TMEM132C: variants seen among roughly 807,000 people sequenced by gnomAD.
TMEM132C encodes the protein transmembrane protein 132C, also known as protein phosphatase 1, regulatory subunit 152.
A neutral mutation model predicts 61.4 loss-of-function variants in TMEM132C; 29 were observed. The ratio of observed to expected loss-of-function variants is 0.47; its 90% CI spans 0.35 to 0.64. The LOEUF is 0.64. Among genes scored for constraint, TMEM132C ranks in the 30% least tolerant of loss-of-function variants. The probability of loss-of-function intolerance (pLI) is 0.00; values close to 1 mark genes in which losing one functional copy is unlikely to be tolerated. For synonymous variants in TMEM132C, 656 were observed against 633.1 expected, an observed-to-expected ratio of 1.04 and a Z score of -0.54; for missense variants, 1,408 against 1,476.9, an observed-to-expected ratio of 0.95 and a Z score of 0.76.
At chr12:128,346,339 A>T (rs1293058174) in intron 1 of TMEM132C, among the ~76,000 whole-genome samples, 1 of 152,158 alleles carries the variant, frequency 6.6e-6, no homozygotes, top group Non-Finnish European at 1.5e-5. Context: ...GGTAATGGTG[A>T]TGCCTCCAGC....
At chr12:128,395,269 C>A (rs1683713) in intron 1 of TMEM132C, among the ~76,000 whole-genome samples, 56,331 of 150,678 alleles carry the variant, frequency 0.37, 11,731 homozygotes, top group African/African-American at 0.56. Context: ...TTATATATAA[C>A]TACTAATATC....
chr12:128,444,479 G>A (rs574789542), intron 2 of TMEM132C, among the ~76,000 whole-genome samples: 3 of 152,220 alleles, frequency 2.0e-5, no homozygotes, highest in African/African-American at 7.2e-5. Flanking sequence ...CTTGATGTTT[G>A]CAGGCAGGGA....
chr12:128,627,752 G>A (rs1389580065), intron 4 of TMEM132C, among the ~76,000 whole-genome samples: 4 of 152,134 alleles, frequency 2.6e-5, no homozygotes, highest in South Asian at 4.1e-4. Flanking sequence ...GCCTCCCCCC[G>A]CCCTGCAGCT....
chr12:128,647,326 G>A (rs1370131903), intron 4 of TMEM132C, among the ~76,000 whole-genome samples: 1 of 151,684 alleles, frequency 6.6e-6, no homozygotes, highest in East Asian at 1.9e-4. Context: ...GTGTTTACTA[G>A]AGTCCATCAG....
chr12:128,453,772 C>G (rs548919713), intron 2 of TMEM132C, among the ~76,000 whole-genome samples: 1 of 152,268 alleles, frequency 6.6e-6, no homozygotes, highest in South Asian at 2.1e-4. Context: ...CACCACCCCG[C>G]AGGGGCTGGG....
At chr12:128,506,809 T>C (rs1872379082) in intron 2 of TMEM132C, among the ~76,000 whole-genome samples, 1 of 152,192 alleles carries the variant, frequency 6.6e-6, no homozygotes, top group South Asian at 2.1e-4. Context: ...TTGGCCACAG[T>C]GTTTGCCTCC....
intron 1 of TMEM132C, among the ~76,000 whole-genome samples, chr12:128,298,510 A>T (rs1019624796): frequency 3.9e-5 from 6 of 152,262 alleles, no homozygotes; most frequent in African/African-American, 1.2e-4. Flanking sequence ...TGGTGATTGC[A>T]TCTCACGTAA....
At chr12:128,662,822 C>G (rs188005361) in intron 4 of TMEM132C, among the ~76,000 whole-genome samples, 2 of 152,142 alleles carry the variant, frequency 1.3e-5, no homozygotes, top group African/African-American at 4.8e-5. Flanking sequence ...TTGCTGCTCT[C>G]TGGGACATTT....
chr12:128,646,425 A>G (rs1222314874), intron 4 of TMEM132C, among the ~76,000 whole-genome samples: 1 of 147,156 alleles, frequency 6.8e-6, no homozygotes, highest in Non-Finnish European at 1.5e-5. Context: ...GTTGGATGTG[A>G]GTGTGTTCAC....
intron 2 of TMEM132C, among the ~76,000 whole-genome samples, chr12:128,479,373 A>G (rs1871252410): frequency 7.2e-5 from 11 of 152,172 alleles, no homozygotes. Flanking sequence ...TAAGGAAAAA[A>G]AAGAGTAGGG....
chr12:128,542,046 A>C lies in TMEM132C; in HGVS notation c.975-1911A>C, dbSNP rs574541432. On this transcript the variant is annotated intron_variant, in intron 2 of 8. Transcript: ENST00000435159. ...AGGGGAGTTTAATTGGCTGCTTCCT[A>C]AACAGACTTGTAGCCAACCCTCTTT... 2.8e-4 allele frequency among the ~76,000 whole-genome samples: 43 copies of C among 152,246 alleles called. No individual in the cohort carries two copies. The South Asian group carries it at 7.3e-3, about 26-fold the overall frequency.
At chr12:128,328,503 G>A (rs1414876457) in intron 1 of TMEM132C, among the ~76,000 whole-genome samples, 2 of 152,062 alleles carry the variant, frequency 1.3e-5, no homozygotes, top group African/African-American at 4.8e-5. Flanking sequence ...AAAAATAATG[G>A]CAGGCTCAGG....
intron 2 of TMEM132C, among the ~76,000 whole-genome samples, chr12:128,534,623 G>A (rs1873453398): frequency 6.6e-6 from 1 of 152,208 alleles, no homozygotes; most frequent in African/African-American, 2.4e-5. Context: ...GCACCTTGAA[G>A]CCAGGCATCC....
intron 2 of TMEM132C, among the ~76,000 whole-genome samples, chr12:128,489,665 G>A (rs900043727): frequency 6.6e-6 from 1 of 151,192 alleles, no homozygotes; most frequent in African/African-American, 2.4e-5. Flanking sequence ...ATTTCCCAGT[G>A]CTTTCCCACC....
chr12:128,549,789 T>A (rs1175717326), intron 3 of TMEM132C, among the ~76,000 whole-genome samples: 1 of 152,022 alleles, frequency 6.6e-6, no homozygotes, highest in African/African-American at 2.4e-5. Context: ...CATATAATCC[T>A]CCTAAGCATC....
intron 2 of TMEM132C, among the ~76,000 whole-genome samples, chr12:128,528,109 T>C (rs765216321): frequency 7.9e-5 from 12 of 152,274 alleles, no homozygotes; most frequent in Non-Finnish European, 1.5e-4. Context: ...CTCACAAACA[T>C]AGCAGAGCGC....
intron 3 of TMEM132C, among the ~76,000 whole-genome samples, chr12:128,593,573 G>A (rs535118457): frequency 5.3e-5 from 8 of 152,306 alleles, no homozygotes; most frequent in Non-Finnish European, 1.0e-4. Context: ...TCTGGGTTCC[G>A]GTCCTGCTCC....
chr12:128,592,952 A>T (rs965967034), intron 3 of TMEM132C, among the ~76,000 whole-genome samples: 2 of 152,148 alleles, frequency 1.3e-5, no homozygotes, highest in African/African-American at 2.4e-5. Context: ...AGCCACAGTC[A>T]TCCAAATTCT....
At chr12:128,648,633 T>C (rs1223561640) in intron 4 of TMEM132C, among the ~76,000 whole-genome samples, 5 of 151,938 alleles carry the variant, frequency 3.3e-5, no homozygotes, top group African/African-American at 1.2e-4. Context: ...TGAGTGTGTT[T>C]ACTGGAGTCC....
Sources: allele counts gnomAD v4.1 joint callset (sites outside exome capture counted in the v4.1 genomes callset), GRCh38; gene constraint gnomAD v4.1.1; transcripts MANE v1.5; gene names NCBI Gene and HGNC (gene_info 2026-07-23, HGNC 2026-07-21).